The following HMGB3 variants were observed in gnomAD, a reference collection of about 807,000 sequenced individuals.
The protein encoded by HMGB3 is high mobility group protein B3.
A neutral mutation model predicts 12.9 loss-of-function variants in HMGB3; 1 was observed. The ratio of observed to expected loss-of-function variants is 0.08; its 90% confidence interval spans 0.03 to 0.37. HMGB3 has a LOEUF of 0.37. Among genes scored for constraint, HMGB3 ranks in the 10% least tolerant of loss-of-function variants. The pLI, the probability that HMGB3 is intolerant of heterozygous loss-of-function variation, is 0.99. For synonymous variants in HMGB3, 61 were observed against 53.9 expected (o/e 1.13, Z -0.57); for missense variants, 74 against 153.3 (o/e 0.48, Z 2.73).
rs2048072459 is a variant in HMGB3, at chrX:150,987,988, G to A, written c.*74G>A. ...CGTAATTGACACATCTCTTATTTGA[G>A]AAGTGTCTGTTGCCCTCATTAGGTT... On this transcript the variant is annotated 3_prime_UTR_variant, in exon 5 of 5. Transcript: ENST00000325307. 1 of 1,118,285 alleles carries A rather than the reference G, an allele frequency of 8.9e-7. No individual in the cohort carries two copies. Among genetic ancestry groups the A allele is most frequent in the African/African-American group, 1.8e-5 (1 of 54,846 alleles). The allele number at this position is 1,118,285 out of a possible 1,213,427, so 92.2% of individuals were successfully genotyped here. A position where few individuals can be genotyped will look rare whatever the true frequency, so the allele number is the denominator to read the frequency against.
At chrX:150,981,917 C>T (rs2047994903), upstream of HMGB3, among the ~76,000 whole-genome samples, 3 of 111,456 alleles carry the variant, frequency 2.7e-5, no homozygotes, top group Admixed American at 2.9e-4. Flanking sequence ...TTGCACACCT[C>T]AAACTCAGCC....
intron 2 of HMGB3, 114 bp from the exon 3 acceptor site, chrX:150,985,937 C>T (rs1452911086): frequency 2.3e-6 from 2 of 881,783 alleles, no homozygotes; most frequent in East Asian, 3.1e-5. Context: ...AGGTTTCAGG[C>T]CTTTACCTAC....
chrX:150,981,154 G>A (rs1227558874), upstream of HMGB3, among the ~76,000 whole-genome samples: 1 of 110,127 alleles, frequency 9.1e-6, no homozygotes, highest in African/African-American at 3.3e-5. Context: ...TGTAGAAGGA[G>A]CAGGGAGGGG....
intron 3 of HMGB3, 74 bp from the exon 4 acceptor site, chrX:150,987,054 C>T: frequency 1.2e-6 from 1 of 812,371 alleles, no homozygotes; most frequent in South Asian, 2.6e-5. Context: ...GGAGATGCTT[C>T]TCAGGAATGT....
rs1455008983 is a variant in HMGB3 at position 150,983,365 on chromosome X, C to G, written c.-17C>G. 13 of 756,750 alleles carry G rather than the reference C, an allele frequency of 1.7e-5. No individual in the cohort carries two copies. The highest frequency in any genetic ancestry group is 1.9e-5 in the Non-Finnish European group (12 of 641,605). 62.4% of individuals were successfully genotyped at this position (756,750 alleles called of 1,213,427 possible). A position where few individuals can be genotyped will look rare whatever the true frequency, so the allele number is the denominator to read the frequency against. ...TCGTGCCCTGCGCTGCCCAGACTAG[C>G]GAACAATACAGGTACGTCTCGCACC... is the stretch of plus-strand genomic sequence containing the variant. On this transcript the variant is annotated 5_prime_UTR_variant, in exon 1 of 5. Transcript: ENST00000325307.
chrX:150,985,785 T>C, intron 2 of HMGB3, 36 bp downstream of exon 2: 1 of 1,139,931 alleles, frequency 8.8e-7, no homozygotes, highest in Non-Finnish European at 1.2e-6. Flanking sequence ...CTAGTCTTAG[T>C]TGGGTTTCTT....
chrX:150,983,147 C>A, upstream of HMGB3: 1 of 317,886 alleles, frequency 3.1e-6, no homozygotes, highest in Non-Finnish European at 4.2e-6. Context: ...GTAGCCGGCG[C>A]CGGCGGGTCG....
Position 150,987,109 on chromosome X carries a change from T to C in HMGB3, c.291-19T>C. ...AAATTTTTTGTGGTTTCTCATGTAATGTATGTAATTCTTCCAAGGTCTGGA... is the reference window on the plus strand; with the variant it reads ...AAATTTTTTGTGGTTTCTCATGTAACGTATGTAATTCTTCCAAGGTCTGGA... On this transcript the variant is annotated intron_variant, in intron 3 of 4. Coordinates refer to ENST00000325307, the MANE Select transcript of HMGB3 (RefSeq NM_005342.4). 1 of 1,165,546 alleles carries C rather than the reference T, an allele frequency of 8.6e-7. No individual in the cohort carries two copies. The highest frequency in any genetic ancestry group is 1.2e-6 in the Non-Finnish European group (1 of 868,037).
At chrX:150,985,351 G>A (rs1181928521) in intron 1 of HMGB3, among the ~76,000 whole-genome samples, 6 of 111,946 alleles carry the variant, frequency 5.4e-5, no homozygotes, top group Admixed American at 9.5e-5. Flanking sequence ...GCACTTGATC[G>A]CTTTTGAGAA....
In HMGB3 at chrX:150,989,313, T is replaced by C. The variant is rs1310197854; in HGVS notation, c.*1399T>C. On this transcript the variant is annotated 3_prime_UTR_variant, in exon 5 of 5. Coordinates refer to ENST00000325307, the MANE Select transcript of HMGB3 (RefSeq NM_005342.4). Reference sequence around the variant, plus strand: ...GTGGTGGGGTAGGGGACGGTATCCTTTTTTTGCTCCTACTTGGAAACACCA... The same window carrying C: ...GTGGTGGGGTAGGGGACGGTATCCTCTTTTTGCTCCTACTTGGAAACACCA... The C allele has an allele frequency of 1.8e-5, 2 of 110,709 alleles. No individual in the cohort carries two copies. The allele number at this position is 110,709 out of a possible 1,213,427, so 9.1% of individuals were successfully genotyped here.
At position 150,986,060 on chromosome X, in the gene HMGB3, G is replaced by C; in HGVS notation, c.160G>C (p.Gly54Arg). 1 of 1,206,646 alleles carries C rather than the reference G, an allele frequency of 8.3e-7. No homozygotes were observed. Among genetic ancestry groups the C allele is most frequent in the Non-Finnish European group, 1.1e-6 (1 of 893,616 alleles). Residue 54 changes from glycine to arginine, a missense_variant, in exon 3 of 5, where the codon GGG becomes CGG. Gly to Arg is a moderately radical substitution (Grantham distance 125). This residue lies in a region of HMGB3 where 45 missense variants were observed against 123.8 expected (regional missense o/e 0.36). Transcript: ENST00000325307. ...KCSERWKTMS[G>R]KEKSKFDEMA... is the part of the protein sequence containing the mutation. ...GTCCTGTTCTTTGCAGACGATGTCCGGGAAAGAGAAATCTAAATTTGATGA... is the reference window on the plus strand; with the variant it reads ...GTCCTGTTCTTTGCAGACGATGTCCCGGAAAGAGAAATCTAAATTTGATGA...
At chrX:150,980,707 A>C, upstream of HMGB3, 6 of 523,308 alleles carry the variant, frequency 1.1e-5, no homozygotes, top group Non-Finnish European at 1.4e-5. Context: ...GGAAGCATGG[A>C]TCTTGAGGGT....
intron 1 of HMGB3, chrX:150,984,558 C>T: frequency 4.1e-6 from 3 of 740,626 alleles, no homozygotes; most frequent in Non-Finnish European, 4.8e-6. Context: ...CCGCGCGTCC[C>T]CCGGGGATGA....
chrX:150,984,063 T>G (rs1232784472), intron 1 of HMGB3, among the ~76,000 whole-genome samples: 2 of 97,014 alleles, frequency 2.1e-5, no homozygotes, highest in Non-Finnish European at 4.2e-5. Flanking sequence ...CCGCCGCCGC[T>G]AACATGGCTG....
At chrX:150,985,296 G>A (rs1391990764) in intron 1 of HMGB3, among the ~76,000 whole-genome samples, 1 of 112,037 alleles carries the variant, frequency 8.9e-6, no homozygotes, top group Non-Finnish European at 1.9e-5. Context: ...TAGCAGTTCT[G>A]TAAACGTAAC....
chrX:150,988,531 AGGG>A lies in HMGB3; in HGVS notation c.*621_*623del, dbSNP rs1273463871. 5 of 101,085 alleles carry A rather than the reference AGGG, an allele frequency of 4.9e-5. No individual in the cohort carries two copies. Among genetic ancestry groups the A allele is most frequent in the African/African-American group, 1.9e-4 (5 of 26,746 alleles). The allele number at this position is 101,085 out of a possible 1,213,427, so 8.3% of individuals were successfully genotyped here. A position where few individuals can be genotyped will look rare whatever the true frequency, so the allele number is the denominator to read the frequency against. On this transcript the variant is annotated 3_prime_UTR_variant, in exon 5 of 5. Transcript: ENST00000325307. ...CTGCTGCCATCTTAGCTGTGGACAA[AGGG>A]GGGTCAGCTGGCATGAGAATATTTT...
intron 1 of HMGB3, chrX:150,984,540 C>A: frequency 2.9e-6 from 2 of 699,872 alleles, no homozygotes; most frequent in Non-Finnish European, 3.4e-6. Flanking sequence ...CCGCCGCCGC[C>A]CCCGGCCCCG....
intron 1 of HMGB3, 114 bp downstream of exon 1, chrX:150,983,490 G>A (rs1557425144): frequency 4.1e-6 from 3 of 738,263 alleles, no homozygotes; most frequent in African/African-American, 4.7e-5. Flanking sequence ...GCCGCCGTGA[G>A]CGCGCCCTGC....
intron 1 of HMGB3, 126 bp downstream of exon 1, chrX:150,983,502 G>A: frequency 1.4e-6 from 1 of 734,646 alleles, no homozygotes. Flanking sequence ...GCGCCCTGCC[G>A]CCGCCTCCCC....
Sources: allele counts gnomAD v4.1 joint callset (sites outside exome capture counted in the v4.1 genomes callset), GRCh38; gene constraint gnomAD v4.1.1; regional missense constraint gnomAD v4.1.1; transcripts MANE v1.5; gene names NCBI Gene and HGNC (gene_info 2026-07-23, HGNC 2026-07-21).